XPO7: variants seen among roughly 807,000 people sequenced by gnomAD.
XPO7 encodes the protein exportin 7.
A neutral mutation model predicts 144.3 loss-of-function variants in XPO7; 21 were observed. The observed-to-expected ratio is 0.15, with a 90% CI of 0.10 to 0.21. The LOEUF (loss-of-function observed/expected upper bound fraction) is 0.21. XPO7 is among the 10% of genes least tolerant of loss of function. XPO7 has a pLI of 1.00. For missense variants in XPO7, 808 were observed against 1,325.8 expected (o/e 0.61, Z 6.06); for synonymous variants, 580 against 499.6 (o/e 1.16, Z -2.15).
chr8:21,993,480 GT>G (rs2117387557), intron 19 of XPO7, among the ~76,000 whole-genome samples: 1 of 152,250 alleles, frequency 6.6e-6, no homozygotes, highest in Non-Finnish European at 1.5e-5. Context: ...AGCACATTTT[GT>G]TGTTGTTGTT....
intron 3 of XPO7, 26 bp from the exon 4 acceptor site, chr8:21,970,118 T>TTTTTG: frequency 6.2e-7 from 1 of 1,600,598 alleles, no homozygotes; most frequent in Non-Finnish European, 8.5e-7. Context: ...TGTGGATTGG[T>TTTTTG]TTTGTTTCTT....
intron 1 of XPO7, among the ~76,000 whole-genome samples, chr8:21,956,652 T>A (rs546690350): frequency 7.2e-4 from 109 of 152,274 alleles, no homozygotes; most frequent in African/African-American, 2.5e-3. Flanking sequence ...TAACTTTTAT[T>A]TTCCCACCTT....
At chr8:21,941,577 T>C in intron 1 of XPO7, among the ~76,000 whole-genome samples, 1 of 152,358 alleles carries the variant, frequency 6.6e-6, no homozygotes, top group African/African-American at 2.4e-5. Context: ...ACATGTTCAG[T>C]ACAGACAGAC....
At chr8:21,930,869 T>C (rs2117247665) in intron 1 of XPO7, among the ~76,000 whole-genome samples, 1 of 152,358 alleles carries the variant, frequency 6.6e-6, no homozygotes, top group African/African-American at 2.4e-5. Flanking sequence ...TGTCAGATAC[T>C]GTTGCCCAAG....
intron 7 of XPO7, 96 bp from the exon 8 acceptor site, chr8:21,977,674 C>T (rs1267524897): frequency 1.8e-6 from 2 of 1,106,704 alleles, no homozygotes; most frequent in Non-Finnish European, 2.7e-6. Context: ...GATAAGTAGG[C>T]AGAAGGATGT....
chr8:21,991,825 A>C, intron 18 of XPO7, 43 bp from the exon 19 acceptor site: 1 of 1,510,206 alleles, frequency 6.6e-7, no homozygotes, highest in South Asian at 1.2e-5. Flanking sequence ...ACAGCTTTGA[A>C]TTCTTGGTAT....
At chr8:21,992,931 G>GC (rs1406058362) in intron 19 of XPO7, among the ~76,000 whole-genome samples, 1 of 152,192 alleles carries the variant, frequency 6.6e-6, no homozygotes, top group African/African-American at 2.4e-5. Flanking sequence ...CTACCAGCTA[G>GC]CCAGGGTATT....
chr8:21,956,029 CG>C (rs1811524558), intron 1 of XPO7, among the ~76,000 whole-genome samples: 1 of 151,968 alleles, frequency 6.6e-6, no homozygotes, highest in Non-Finnish European at 1.5e-5. Context: ...GCCCAGCCCC[CG>C]TGCTTACCTT....
At chr8:21,919,828 G>C (rs1226956310) in intron 1 of XPO7, 40 bp downstream of exon 1, 1 of 386,430 alleles carries the variant, frequency 2.6e-6, no homozygotes, top group African/African-American at 2.1e-5. Flanking sequence ...ACCACGAAGA[G>C]CGGCGAGTGG....
intron 9 of XPO7, among the ~76,000 whole-genome samples, chr8:21,980,501 G>A (rs755199777): frequency 4.6e-5 from 7 of 152,214 alleles, no homozygotes; most frequent in Admixed American, 3.3e-4. Context: ...TCCGGGCACA[G>A]AGGCTCACGC....
At chr8:21,949,258 T>G (rs184338166) in intron 1 of XPO7, among the ~76,000 whole-genome samples, 133 of 152,286 alleles carry the variant, frequency 8.7e-4, no homozygotes, top group African/African-American at 3.1e-3. Context: ...TAAGTGACTT[T>G]ACTTCCTAGG....
At chr8:21,923,148 T>C (rs1452096007) in intron 1 of XPO7, among the ~76,000 whole-genome samples, 1 of 152,224 alleles carries the variant, frequency 6.6e-6, no homozygotes, top group Admixed American at 6.5e-5. Context: ...AACATAACTT[T>C]TCTAACTTTT....
intron 24 of XPO7, 110 bp from the exon 25 acceptor site, chr8:22,002,002 C>T (rs1209480916): frequency 7.5e-6 from 10 of 1,330,832 alleles, no homozygotes; most frequent in Non-Finnish European, 1.0e-5. Flanking sequence ...TGAGCAACCG[C>T]CTTGGTTGAA....
At position 21,971,839 on chromosome 8, in the gene XPO7, A is replaced by G. The variant is rs1812070795; in HGVS notation, c.427-37A>G. On this transcript the variant is annotated intron_variant, in intron 4 of 27. Coordinates refer to ENST00000252512, the MANE Select transcript of XPO7 (RefSeq NM_015024.5). Reference sequence around the variant, plus strand: ...TTCCAAATGCCAAAACCAAGCACACATGACAACTCTTTCTACCTTATACTT... The same window carrying G: ...TTCCAAATGCCAAAACCAAGCACACGTGACAACTCTTTCTACCTTATACTT... 11 of 1,579,030 alleles carry G rather than the reference A, an allele frequency of 7.0e-6. 1 individual carries two copies. The highest frequency in any genetic ancestry group is 3.4e-4 in the Middle Eastern group (2 of 5,900).
intron 12 of XPO7, among the ~76,000 whole-genome samples, chr8:21,985,090 A>G (rs755836877): frequency 6.6e-6 from 1 of 152,060 alleles, no homozygotes; most frequent in African/African-American, 2.4e-5. Flanking sequence ...TGGGCCTTGT[A>G]CTTCTTGGCT....
chr8:21,969,346 C>G (rs1021220763), intron 2 of XPO7, 137 bp from the exon 3 acceptor site: 2 of 674,486 alleles, frequency 3.0e-6, no homozygotes, highest in Admixed American at 5.6e-5. Context: ...GAGCAGTAGA[C>G]CCTCTAAAAT....
chr8:21,938,274 T>C (rs1810884305), intron 1 of XPO7, among the ~76,000 whole-genome samples: 1 of 152,244 alleles, frequency 6.6e-6, no homozygotes, highest in Non-Finnish European at 1.5e-5. Flanking sequence ...TTTTCTTTTA[T>C]ATTTTTGTTA....
chr8:21,970,447 T>A (rs954109437), intron 4 of XPO7, 137 bp downstream of exon 4: 5 of 945,302 alleles, frequency 5.3e-6, no homozygotes, highest in Non-Finnish European at 7.3e-6. Flanking sequence ...TTATATGATA[T>A]ATTCTCTTCT....
intron 21 of XPO7, among the ~76,000 whole-genome samples, chr8:21,995,841 G>T (rs1812929777): frequency 6.6e-6 from 1 of 152,070 alleles, no homozygotes; most frequent in Admixed American, 6.6e-5. Flanking sequence ...TTTTGAGGCG[G>T]TGTCTTGCTG....
Sources: allele counts gnomAD v4.1 joint callset (sites outside exome capture counted in the v4.1 genomes callset), GRCh38; gene constraint gnomAD v4.1.1; transcripts MANE v1.5; gene names NCBI Gene and HGNC (gene_info 2026-07-23, HGNC 2026-07-21).